Variants in ODR4 observed in about 807,000 individuals in gnomAD.
The protein encoded by ODR4 is odr-4 GPCR localization factor homolog.
ODR4 carries 47 observed loss-of-function variants against 60.2 expected under a neutral mutation model. The observed-to-expected ratio is 0.78, with a 90% CI of 0.62 to 1.00. The LOEUF is 1.00. Among genes scored for constraint, ODR4 ranks in the 50% least tolerant of loss-of-function variants. The pLI, the probability that ODR4 is intolerant of heterozygous loss-of-function variation, is 0.00. For missense variants in ODR4, 488 were observed against 530.8 expected (o/e 0.92, Z 0.79); for synonymous variants, 178 against 175.5 (o/e 1.01, Z -0.11).
chr1:186,378,784 A>T (rs1299489745), intron 1 of ODR4, among the ~76,000 whole-genome samples: 2 of 152,204 alleles, frequency 1.3e-5, no homozygotes, highest in Non-Finnish European at 2.9e-5. Flanking sequence ...TAATAATGGT[A>T]CCCACTTCCT....
intron 9 of ODR4, among the ~76,000 whole-genome samples, chr1:186,396,346 T>G (rs963602786): frequency 8.5e-5 from 13 of 152,274 alleles, no homozygotes; most frequent in African/African-American, 3.1e-4. Flanking sequence ...TGGTAGCTCA[T>G]GCCTGTAATC....
In ODR4 at chr1:186,396,760, T is replaced by G. The variant is rs3124816; in HGVS notation, c.781-1553T>G. Among the ~76,000 whole-genome samples, 844 of 117,136 alleles carry G rather than the reference T, an allele frequency of 7.2e-3. 5 individuals carry two copies. The highest frequency in any genetic ancestry group is 0.031 in the South Asian group (108 of 3,436). 76.8% of individuals were successfully genotyped at this position (117,136 alleles called of 152,430 possible). A position where few individuals can be genotyped will look rare whatever the true frequency, so the allele number is the denominator to read the frequency against. On this transcript the variant is annotated intron_variant, in intron 9 of 13. Coordinates refer to ENST00000287859, the MANE Select transcript of ODR4 (RefSeq NM_017847.6). ...AGATAGATAGATAGATAGATAGATA[T>G]ATGTATATACACACATACACATATA...
At chr1:186,412,456 A>C (rs567769777) in intron 12 of ODR4, among the ~76,000 whole-genome samples, 1 of 152,268 alleles carries the variant, frequency 6.6e-6, no homozygotes, top group South Asian at 2.1e-4. Context: ...TACAACCAAG[A>C]ATATGACTTA....
chr1:186,419,236 T>C lies in ODR4; in HGVS notation c.*160T>C. The C allele has an allele frequency of 1.5e-6, 1 of 677,970 alleles. No individual in the cohort carries two copies. The highest frequency in any genetic ancestry group is 2.5e-6 in the Non-Finnish European group (1 of 398,242). The allele number at this position is 677,970 out of a possible 1,614,324, so 42.0% of individuals were successfully genotyped here. The stretch of plus-strand genomic sequence containing the variant: ...TTCTGATTAAAATGAAATCACAAGC[T>C]GCCTTGTTTAGCCTGCTTTACATTG... On this transcript the variant is annotated 3_prime_UTR_variant, in exon 14 of 14. Transcript: ENST00000287859.
intron 12 of ODR4, among the ~76,000 whole-genome samples, chr1:186,408,258 T>A (rs762281458): frequency 6.6e-6 from 1 of 152,116 alleles, no homozygotes; most frequent in South Asian, 2.1e-4. Context: ...GGTCTGTGCT[T>A]CTTTTCTAAA....
At chr1:186,407,463 A>G (rs1554848) in intron 12 of ODR4, among the ~76,000 whole-genome samples, 26 of 152,084 alleles carry the variant, frequency 1.7e-4, no homozygotes, top group African/African-American at 6.3e-4. Context: ...GTTAAGGCCT[A>G]GCAATAGTTC....
At chr1:186,380,275 C>T (rs1430678886) in intron 2 of ODR4, among the ~76,000 whole-genome samples, 3 of 151,950 alleles carry the variant, frequency 2.0e-5, no homozygotes, top group African/African-American at 7.3e-5. Context: ...AATTTTATTC[C>T]TGTTCTAATT....
At chr1:186,433,514 C>T in the ODR4 span, among the ~76,000 whole-genome samples, 2 of 151,842 alleles carry the variant, frequency 1.3e-5, no homozygotes, top group African/African-American at 4.8e-5. Flanking sequence ...GAAAATGTTC[C>T]TTGTGTGTTG....
the ODR4 span, among the ~76,000 whole-genome samples, chr1:186,434,658 T>G: frequency 1.3e-5 from 2 of 152,150 alleles, no homozygotes; most frequent in Non-Finnish European, 2.9e-5. Flanking sequence ...TTGGCAAAAA[T>G]GACATCTTTA....
chr1:186,429,957 TGTTA>T, the ODR4 span, among the ~76,000 whole-genome samples: 1 of 152,146 alleles, frequency 6.6e-6, no homozygotes, highest in African/African-American at 2.4e-5. Flanking sequence ...GGTATTGATT[TGTTA>T]GTTGTTAAGA....
chr1:186,419,498 G>T lies in ODR4; in HGVS notation c.*422G>T. ...TGAGGTAGGAGCATCACCTGGGGCT[G>T]GGAGGGAGTTGGAGACCAGCCTGGA... On this transcript the variant is annotated 3_prime_UTR_variant, in exon 14 of 14. Coordinates refer to ENST00000287859, the MANE Select transcript of ODR4 (RefSeq NM_017847.6). 6.3e-6 allele frequency: 1 copy of T among 159,398 alleles called. No homozygotes were observed. The highest frequency in any genetic ancestry group is 1.8e-4 in the South Asian group (1 of 5,554). 9.9% of individuals were successfully genotyped at this position (159,398 alleles called of 1,614,324 possible).
intron 3 of ODR4, among the ~76,000 whole-genome samples, chr1:186,383,533 T>G (rs1010991793): frequency 5.9e-5 from 9 of 152,168 alleles, no homozygotes; most frequent in African/African-American, 2.2e-4. Flanking sequence ...CACGTAAACC[T>G]ATGTGACAGA....
At chr1:186,421,950 A>C (rs976414900), downstream of ODR4, among the ~76,000 whole-genome samples, 13 of 151,986 alleles carry the variant, frequency 8.6e-5, no homozygotes, top group African/African-American at 2.9e-4. Context: ...CCTAGTACAA[A>C]TAAAGAAAGA....
intron 11 of ODR4, among the ~76,000 whole-genome samples, chr1:186,402,820 C>T (rs72713769): frequency 0.01 from 1,579 of 152,158 alleles, 15 homozygotes; most frequent in Middle Eastern, 0.041. Flanking sequence ...TCTCAAACTT[C>T]TGGCCCCAAG....
At chr1:186,388,702 A>C (rs948794999) in intron 5 of ODR4, among the ~76,000 whole-genome samples, 154 bp downstream of exon 5, 1 of 152,164 alleles carries the variant, frequency 6.6e-6, no homozygotes. Flanking sequence ...GCCACCAATA[A>C]TAATAATAGC....
chr1:186,427,716 T>TCTGG, the ODR4 span, among the ~76,000 whole-genome samples: 26 of 152,240 alleles, frequency 1.7e-4, no homozygotes, highest in African/African-American at 6.0e-4. Flanking sequence ...ATCAGAGGAA[T>TCTGG]CACTATCTTT....
intron 12 of ODR4, 71 bp downstream of exon 12, chr1:186,406,339 T>C: frequency 8.7e-7 from 1 of 1,143,046 alleles, no homozygotes; most frequent in East Asian, 2.6e-5. Context: ...ATGTCTAGTT[T>C]AAATATCATG....
At chr1:186,408,260 T>C (rs1661242811) in intron 12 of ODR4, among the ~76,000 whole-genome samples, 1 of 152,100 alleles carries the variant, frequency 6.6e-6, no homozygotes, top group Non-Finnish European at 1.5e-5. Context: ...TCTGTGCTTC[T>C]TTTCTAAAAA....
In ODR4 at chr1:186,386,087, A is replaced by T; in HGVS notation, c.330+4A>T. On this transcript the variant is annotated splice_donor_region_variant and intron_variant, in intron 4 of 13. Transcript: ENST00000287859. ...TTTTCAAAATGCCCTGCGTAGAGTA[A>T]GTTTGATATATCGAAAATTCTTAAT... The T allele has an allele frequency of 6.6e-7, 1 of 1,525,190 alleles. No individual in the cohort carries two copies. The highest frequency in any genetic ancestry group is 9.0e-7 in the Non-Finnish European group (1 of 1,116,942). The allele number at this position is 1,525,190 out of a possible 1,614,324, so 94.5% of individuals were successfully genotyped here. A position where few individuals can be genotyped will look rare whatever the true frequency, so the allele number is the denominator to read the frequency against.
Sources: gnomAD v4.1 joint callset for allele counts (sites outside exome capture counted in the v4.1 genomes callset) on GRCh38, gnomAD v4.1.1 for gene constraint, MANE v1.5 for transcripts, NCBI Gene and HGNC (gene_info 2026-07-23, HGNC 2026-07-21) for gene names.